LRRC4C: variants seen among roughly 807,000 people sequenced by gnomAD.
The protein encoded by LRRC4C is leucine rich repeat containing 4C.
LRRC4C carries 5 observed loss-of-function variants against 33.6 expected under a neutral mutation model. The ratio of observed to expected loss-of-function variants is 0.15; its 90% CI spans 0.08 to 0.31. The LOEUF is 0.31. Ranked by LOEUF, LRRC4C falls within the 10% of genes least tolerant of loss-of-function variation. The probability of loss-of-function intolerance (pLI) is 1.00; values close to 1 mark genes in which losing one functional copy is unlikely to be tolerated. For synonymous variants in LRRC4C, 329 were observed against 302.0 expected (o/e 1.09, Z -0.93); for missense variants, 560 against 796.7 (o/e 0.70, Z 3.58).
intron 3 of LRRC4C, among the ~76,000 whole-genome samples, chr11:40,566,593 G>C (rs1957778060): frequency 6.6e-6 from 1 of 152,144 alleles, no homozygotes; most frequent in African/African-American, 2.4e-5. Context: ...GGTATGTTTT[G>C]TATGAAATAA....
intron 1 of LRRC4C, among the ~76,000 whole-genome samples, chr11:41,392,177 C>T (rs753149699): frequency 2.1e-4 from 32 of 151,888 alleles, no homozygotes; most frequent in Non-Finnish European, 4.1e-4. Flanking sequence ...ATCTATGACC[C>T]GATTGATATT....
intron 3 of LRRC4C, among the ~76,000 whole-genome samples, chr11:40,540,232 G>A (rs1397132701): frequency 6.6e-6 from 1 of 152,132 alleles, no homozygotes; most frequent in African/African-American, 2.4e-5. Context: ...TCTAAGTGCT[G>A]AACTGAATAG....
intron 3 of LRRC4C, among the ~76,000 whole-genome samples, chr11:40,621,571 G>C (rs1180680764): frequency 6.6e-6 from 1 of 151,644 alleles, no homozygotes; most frequent in Non-Finnish European, 1.5e-5. Flanking sequence ...TGTATCATGA[G>C]ATGCTTTTAG....
At chr11:41,192,231 G>A (rs1221081794) in intron 1 of LRRC4C, among the ~76,000 whole-genome samples, 2 of 151,988 alleles carry the variant, frequency 1.3e-5, no homozygotes, top group African/African-American at 2.4e-5. Context: ...GTCTTCTCAT[G>A]CTTGCATGTA....
intron 1 of LRRC4C, among the ~76,000 whole-genome samples, chr11:40,973,004 T>C (rs562351670): frequency 5.5e-4 from 84 of 152,258 alleles, no homozygotes; most frequent in African/African-American, 1.9e-3. Context: ...GAGTCTCTCC[T>C]GAGACCTGAT....
At chr11:40,838,399 C>T (rs1177696005) in intron 2 of LRRC4C, among the ~76,000 whole-genome samples, 1 of 152,158 alleles carries the variant, frequency 6.6e-6, no homozygotes, top group Non-Finnish European at 1.5e-5. Context: ...CCATTCAGCT[C>T]ATGAAAAATG....
chr11:41,184,153 T>C (rs568601803), intron 1 of LRRC4C, among the ~76,000 whole-genome samples: 18 of 152,276 alleles, frequency 1.2e-4, no homozygotes, highest in African/African-American at 4.3e-4. Flanking sequence ...ACCTCTGACA[T>C]GCCTTGGAGA....
At chr11:41,390,766 G>C (rs997770737) in intron 1 of LRRC4C, among the ~76,000 whole-genome samples, 2 of 151,748 alleles carry the variant, frequency 1.3e-5, no homozygotes, top group African/African-American at 4.8e-5. Context: ...ATAATACTAT[G>C]AGAAAATCTT....
intron 1 of LRRC4C, among the ~76,000 whole-genome samples, chr11:41,439,702 T>C (rs1955551187): frequency 2.0e-5 from 3 of 152,208 alleles, no homozygotes; most frequent in Admixed American, 2.0e-4. Context: ...TCTGTTCATG[T>C]TTTTGCCCAC....
chr11:40,208,517 A>G (rs1180601799), intron 5 of LRRC4C, among the ~76,000 whole-genome samples: 3 of 152,112 alleles, frequency 2.0e-5, no homozygotes, highest in Admixed American at 2.0e-4. Context: ...CTGGTATCTT[A>G]TATGTAATTC....
At chr11:41,369,555 A>C (rs1454594140) in intron 1 of LRRC4C, among the ~76,000 whole-genome samples, 1 of 152,172 alleles carries the variant, frequency 6.6e-6, no homozygotes, top group Non-Finnish European at 1.5e-5. Flanking sequence ...AATTAAAAAA[A>C]AAAAAGATTG....
intron 3 of LRRC4C, among the ~76,000 whole-genome samples, chr11:40,427,112 C>T (rs7935540): frequency 0.45 from 68,993 of 151,976 alleles, 16,085 homozygotes; most frequent in East Asian, 0.56. Flanking sequence ...CATGAGTAAG[C>T]CTAGTATTCA....
chr11:41,309,442 T>G (rs2137167116), intron 1 of LRRC4C, among the ~76,000 whole-genome samples: 1 of 152,296 alleles, frequency 6.6e-6, no homozygotes, highest in Middle Eastern at 3.4e-3. Context: ...CTTTCGGAAT[T>G]ACATAGCTGC....
At chr11:40,919,226 C>T (rs1194197769) in intron 2 of LRRC4C, among the ~76,000 whole-genome samples, 1 of 152,094 alleles carries the variant, frequency 6.6e-6, no homozygotes, top group Admixed American at 6.6e-5. Flanking sequence ...AGCTAAAGAT[C>T]ATGGATTCCA....
chr11:41,214,265 T>C (rs1264901653), intron 1 of LRRC4C, among the ~76,000 whole-genome samples: 1 of 151,974 alleles, frequency 6.6e-6, no homozygotes, highest in Non-Finnish European at 1.5e-5. Flanking sequence ...GAGAAGAAAA[T>C]AACCTCTACT....
intron 3 of LRRC4C, among the ~76,000 whole-genome samples, chr11:40,517,767 C>T (rs1955630197): frequency 3.3e-5 from 5 of 151,358 alleles, no homozygotes; most frequent in Non-Finnish European, 1.5e-5. Context: ...CTACTTTAAA[C>T]TTCATATGGT....
intron 1 of LRRC4C, among the ~76,000 whole-genome samples, chr11:41,182,668 G>A (rs1945504112): frequency 6.6e-6 from 1 of 152,038 alleles, no homozygotes; most frequent in Non-Finnish European, 1.5e-5. Flanking sequence ...GAATTTAGCT[G>A]AGTTATTTTT....
chr11:40,666,025 T>C (rs768793708), intron 2 of LRRC4C, among the ~76,000 whole-genome samples: 8 of 152,136 alleles, frequency 5.3e-5, no homozygotes, highest in Non-Finnish European at 1.0e-4. Flanking sequence ...TATAGGTGTG[T>C]GTTCATGTGT....
At chr11:40,352,726 G>T (rs1947468596) in intron 3 of LRRC4C, among the ~76,000 whole-genome samples, 1 of 152,030 alleles carries the variant, frequency 6.6e-6, no homozygotes, top group Non-Finnish European at 1.5e-5. Flanking sequence ...TTTTCTTTCA[G>T]ATTGGAGAAC....
Sources: gnomAD v4.1 joint callset for allele counts (sites outside exome capture counted in the v4.1 genomes callset) on GRCh38, gnomAD v4.1.1 for gene constraint, MANE v1.5 for transcripts, NCBI Gene and HGNC (gene_info 2026-07-23, HGNC 2026-07-21) for gene names.